FILIP1L: variants seen among roughly 807,000 people sequenced by gnomAD.
FILIP1L encodes filamin A-interacting protein 1-like.
In FILIP1L, 55 loss-of-function variants were observed where a neutral mutation model predicts 96.6. The ratio of observed to expected loss-of-function variants is 0.57; its 90% confidence interval spans 0.46 to 0.71. FILIP1L has a LOEUF of 0.71. FILIP1L is among the 30% of genes least tolerant of loss of function. FILIP1L has a pLI of 0.00. For synonymous variants in FILIP1L, 467 were observed against 473.9 expected, an observed-to-expected ratio of 0.99 and a Z score of 0.19; for missense variants, 1,304 against 1,321.2, an observed-to-expected ratio of 0.99 and a Z score of 0.20.
At chr3:99,951,404 C>A (rs142174774) in intron 1 of FILIP1L, among the ~76,000 whole-genome samples, 1 of 152,120 alleles carries the variant, frequency 6.6e-6, no homozygotes, top group South Asian at 2.1e-4. Flanking sequence ...GGATACCTTG[C>A]GCATAGTATG....
intron 1 of FILIP1L, among the ~76,000 whole-genome samples, chr3:99,985,262 T>A (rs566602290): frequency 3.3e-5 from 5 of 152,294 alleles, no homozygotes; most frequent in African/African-American, 1.2e-4. Context: ...CCCATCATGG[T>A]GGCTCACGCC....
rs527284492 is a variant in FILIP1L, at chr3:99,965,206, G to C, written c.-10-34176C>G. ...GAGATGAGGGATATGTGCTTAAATT[G>C]TGAAACAAATATATGAGTCAGGTAT... On this transcript the variant is annotated intron_variant, in intron 1 of 5. Transcript: ENST00000477258. Among the ~76,000 whole-genome samples, 6 of 152,334 alleles carry C rather than the reference G, an allele frequency of 3.9e-5. No homozygotes were observed. The South Asian group carries it at 1.2e-3, about 32-fold the overall frequency.
Position 99,848,524 on chromosome 3 carries a change from C to T in FILIP1L, c.3152G>A (p.Ser1051Asn). 6.2e-7 allele frequency: 1 copy of T among 1,614,194 alleles called. No individual in the cohort carries two copies. Among genetic ancestry groups the T allele is most frequent in the African/African-American group, 1.3e-5 (1 of 75,048 alleles). The change falls in exon 5 of 6, where the codon AGC (serine) becomes AAC (asparagine). Residue 1051 changes from serine to asparagine, a missense_variant. Physicochemically the swap from Ser to Asn is conservative, Grantham distance 46. Transcript: ENST00000477258. ...ATCCTCAGTAGTTATCACACTTGAG[C>T]TATTGCTGTTTGAACGCTGAAACTG... is the stretch of plus-strand genomic sequence containing the variant. ...SWQFQRSNSN[S>N]SSVITTEDNK...
chr3:100,017,021 TGTTA>T (rs1003634690), intron 1 of FILIP1L, among the ~76,000 whole-genome samples: 1 of 152,220 alleles, frequency 6.6e-6, no homozygotes, highest in African/African-American at 2.4e-5. Flanking sequence ...AATGGGTTTT[TGTTA>T]GTTTTTCAAA....
intron 1 of FILIP1L, among the ~76,000 whole-genome samples, chr3:100,056,312 C>T (rs370109782): frequency 3.9e-5 from 6 of 152,184 alleles, no homozygotes; most frequent in African/African-American, 1.4e-4. Context: ...TGCATCCTTC[C>T]ATAAATATTG....
At chr3:100,004,014 C>T (rs1303547732) in intron 1 of FILIP1L, among the ~76,000 whole-genome samples, 4 of 152,092 alleles carry the variant, frequency 2.6e-5, no homozygotes, top group Non-Finnish European at 4.4e-5. Flanking sequence ...ATGTCTGTTC[C>T]CACCTGCCTC....
chr3:99,836,347 G>T (rs1184126521), intron 5 of FILIP1L, among the ~76,000 whole-genome samples: 1 of 152,132 alleles, frequency 6.6e-6, no homozygotes, highest in Non-Finnish European at 1.5e-5. Context: ...CATCAATAGA[G>T]GCGAGACAAA....
At chr3:99,937,958 G>A (rs1473141843) in intron 1 of FILIP1L, among the ~76,000 whole-genome samples, 1 of 152,200 alleles carries the variant, frequency 6.6e-6, no homozygotes, top group Non-Finnish European at 1.5e-5. Flanking sequence ...TGGTAAAGGT[G>A]AATTAAGGTG....
At position 99,837,404 on chromosome 3, in the gene FILIP1L, A is replaced by G. The variant is rs181077676; in HGVS notation, c.3382-6799T>C. Reference sequence around the variant, plus strand: ...ACACCATGAAAAGGCATAAGAATAGAAGAAGAATAGCTTTTTCTAGTTAAA... The same window carrying G: ...ACACCATGAAAAGGCATAAGAATAGGAGAAGAATAGCTTTTTCTAGTTAAA... On this transcript the variant is annotated intron_variant, in intron 5 of 5. Transcript: ENST00000477258. Among the ~76,000 whole-genome samples, 576 of 152,234 alleles carry G rather than the reference A, an allele frequency of 3.8e-3. 3 individuals are homozygous for G. Among genetic ancestry groups the G allele is most frequent in the African/African-American group, 0.013 (548 of 41,536 alleles).
At chr3:100,062,997 A>T (rs934279299) in intron 1 of FILIP1L, among the ~76,000 whole-genome samples, 19 of 152,370 alleles carry the variant, frequency 1.2e-4, no homozygotes, top group Admixed American at 3.9e-4. Flanking sequence ...CTTTTGACAC[A>T]TAAAGGCAAA....
intron 1 of FILIP1L, among the ~76,000 whole-genome samples, chr3:100,101,532 G>A (rs1347008428): frequency 2.6e-5 from 4 of 152,142 alleles, no homozygotes; most frequent in Admixed American, 1.3e-4. Flanking sequence ...ATTCTTGATT[G>A]TGGTGGAAAT....
intron 1 of FILIP1L, among the ~76,000 whole-genome samples, chr3:100,063,502 GA>G (rs1278953039): frequency 1.3e-5 from 2 of 151,952 alleles, no homozygotes; most frequent in African/African-American, 4.8e-5. Context: ...TTAAAAAAAA[GA>G]AAAACTTTAT....
At chr3:99,914,658 A>C (rs568648659) in intron 4 of FILIP1L, among the ~76,000 whole-genome samples, 1 of 152,228 alleles carries the variant, frequency 6.6e-6, no homozygotes, top group African/African-American at 2.4e-5. Flanking sequence ...CAGTTTAGCT[A>C]TAGGTTTTAT....
intron 1 of FILIP1L, among the ~76,000 whole-genome samples, chr3:100,059,552 G>GT (rs1232533204): frequency 6.6e-6 from 1 of 152,188 alleles, no homozygotes; most frequent in Non-Finnish European, 1.5e-5. Context: ...TCCTCCAAGG[G>GT]TAGAGGGTGT....
In FILIP1L at chr3:99,854,550, C is replaced by G. The variant is rs150031776; in HGVS notation, c.606-3480G>C. Among the ~76,000 whole-genome samples, 634 of 152,258 alleles carry G rather than the reference C, an allele frequency of 4.2e-3. 4 individuals are homozygous for G. Among genetic ancestry groups the G allele is most frequent in the African/African-American group, 0.015 (605 of 41,546 alleles). ...AGGGATAATCTATGCCAGGGTTTCTCCATCTTCAGCACTGTTGATATTTGG... is the reference window on the plus strand; with the variant it reads ...AGGGATAATCTATGCCAGGGTTTCTGCATCTTCAGCACTGTTGATATTTGG... On this transcript the variant is annotated intron_variant, in intron 4 of 5. Transcript: ENST00000477258.
At chr3:99,864,284 T>C (rs1162062334) in intron 4 of FILIP1L, among the ~76,000 whole-genome samples, 1 of 152,156 alleles carries the variant, frequency 6.6e-6, no homozygotes, top group Non-Finnish European at 1.5e-5. Context: ...ATGGTGGCCC[T>C]GGAACTGGTA....
At chr3:99,913,096 G>A (rs183635614) in intron 4 of FILIP1L, among the ~76,000 whole-genome samples, 3 of 152,154 alleles carry the variant, frequency 2.0e-5, no homozygotes, top group East Asian at 1.9e-4. Context: ...AGACGACAGC[G>A]GTTTACAACC....
chr3:99,940,695 A>G lies in FILIP1L; in HGVS notation c.-10-9665T>C, dbSNP rs1478948817. Among the ~76,000 whole-genome samples the G allele has an allele frequency of 2.0e-5, 3 of 152,318 alleles. No individual in the cohort carries two copies. The East Asian group carries it at 5.8e-4, about 29-fold the overall frequency. On this transcript the variant is annotated intron_variant, in intron 1 of 5. Transcript: ENST00000477258. ...AAATGCACCTTTCAGAGAACCCGAA[A>G]TTTCCTACAAATTTTTATTTTTGTG...
intron 1 of FILIP1L, among the ~76,000 whole-genome samples, chr3:100,088,963 G>A (rs1447713218): frequency 6.6e-6 from 1 of 152,012 alleles, no homozygotes; most frequent in Non-Finnish European, 1.5e-5. Context: ...GTCACTGTTT[G>A]CATGTACTTG....
Sources: gnomAD v4.1 joint callset for allele counts (sites outside exome capture counted in the v4.1 genomes callset) on GRCh38, gnomAD v4.1.1 for gene constraint, MANE v1.5 for transcripts, NCBI Gene and HGNC (gene_info 2026-07-23, HGNC 2026-07-21) for gene names.